NSMAF: variants seen among roughly 807,000 people sequenced by gnomAD.
NSMAF encodes the protein protein FAN.
A neutral mutation model predicts 134.9 loss-of-function variants in NSMAF; 90 were observed. The observed-to-expected ratio is 0.67, with a 90% CI of 0.56 to 0.79. NSMAF has a LOEUF of 0.79. Among genes scored for constraint, NSMAF ranks in the 30% least tolerant of loss-of-function variants. The probability of loss-of-function intolerance (pLI) is 0.00; values close to 1 mark genes in which losing one functional copy is unlikely to be tolerated. For synonymous variants in NSMAF, 358 were observed against 389.6 expected, an observed-to-expected ratio of 0.92 and a Z score of 0.96; for missense variants, 1,010 against 1,119.0, an observed-to-expected ratio of 0.90 and a Z score of 1.39.
chr8:58,643,238 G>C (rs1807374610), intron 1 of NSMAF, among the ~76,000 whole-genome samples, 165 bp from the exon 2 acceptor site: 1 of 152,196 alleles, frequency 6.6e-6, no homozygotes, highest in Non-Finnish European at 1.5e-5. Context: ...CCAGTGGCGG[G>C]AAGTACATAG....
chr8:58,605,975 C>T lies in NSMAF; in HGVS notation c.820G>A (p.Glu274Lys), dbSNP rs369530702. The part of the protein sequence containing the change: ...LCSDIYLKFY[E>K]PQDRDDLYFY... ...TAGAGATCATCTCTATCTTGAGGTT[C>T]ATAGAACTTTAGGTAGATGTCGGAA... Residue 274 changes from glutamate to lysine, a missense_variant, in exon 12 of 31, where the codon GAA (glutamate) becomes AAA (lysine). Transcript: ENST00000038176. 3.4e-5 allele frequency: 55 copies of T among 1,600,064 alleles called. No homozygotes were observed. Among genetic ancestry groups the T allele is most frequent in the East Asian group, 2.5e-4 (11 of 43,932 alleles).
At chr8:58,598,799 G>A (rs1806202404) in intron 19 of NSMAF, among the ~76,000 whole-genome samples, 1 of 152,108 alleles carries the variant, frequency 6.6e-6, no homozygotes, top group African/African-American at 2.4e-5. Flanking sequence ...GAGGTGGGCA[G>A]ATCACCTGAG....
Position 58,635,328 on chromosome 8 carries a change from A to T in NSMAF, c.273T>A (p.Asn91Lys), listed in dbSNP as rs202127431. 1.2e-5 allele frequency: 20 copies of T among 1,609,946 alleles called. No individual in the cohort carries two copies. The highest frequency in any genetic ancestry group is 1.7e-5 in the Non-Finnish European group (20 of 1,178,622). Residue 91 changes from asparagine (N) to lysine (K), a missense_variant, in exon 4 of 31, where the codon AAT becomes AAA. Physicochemically the swap from Asn to Lys is moderately conservative, Grantham distance 94 (BLOSUM62 0). Transcript: ENST00000038176. ...ACTTTGTGAAGTGTCTATTGGCTCC[A>T]TTTTCTCCATGCTTTCCTATTTTTA... ...DCIKIGKHGE[N>K]GANRHFTKAK...
rs573956126 is a variant in NSMAF, at chr8:58,590,838, C to G, written c.2019+29G>C. On this transcript the variant is annotated intron_variant, in intron 24 of 30. Transcript: ENST00000038176. Reference sequence around the variant, plus strand: ...ATAAAACAAACTACTACACGGATTTCTATCATAATACTATTAAAATGAACT... The same window carrying G: ...ATAAAACAAACTACTACACGGATTTGTATCATAATACTATTAAAATGAACT... 7 of 1,536,802 alleles carry G rather than the reference C, an allele frequency of 4.6e-6. No individual in the cohort carries two copies. In the South Asian group the frequency reaches 7.9e-5, roughly 17 times the overall value.
chr8:58,641,317 A>G (rs1807330525), intron 2 of NSMAF, among the ~76,000 whole-genome samples: 1 of 152,204 alleles, frequency 6.6e-6, no homozygotes, highest in South Asian at 2.1e-4. Flanking sequence ...AAATCTATAA[A>G]ATGTTTATAT....
At chr8:58,643,231 G>A (rs1585761786) in intron 1 of NSMAF, among the ~76,000 whole-genome samples, 158 bp from the exon 2 acceptor site, 1 of 152,314 alleles carries the variant, frequency 6.6e-6, no homozygotes, top group East Asian at 1.9e-4. Flanking sequence ...TCTCTACCCA[G>A]TGGCGGGAAG....
chr8:58,656,646 C>G (rs1325953355), intron 1 of NSMAF, among the ~76,000 whole-genome samples: 2 of 151,822 alleles, frequency 1.3e-5, no homozygotes, highest in African/African-American at 2.4e-5. Context: ...CTGGCTAACA[C>G]GGTGAAACCC....
intron 13 of NSMAF, among the ~76,000 whole-genome samples, chr8:58,602,492 G>A (rs558933671): frequency 3.9e-5 from 6 of 152,026 alleles, no homozygotes; most frequent in East Asian, 1.9e-4. Context: ...TTCTACATTC[G>A]AATTCTAGTG....
At chr8:58,597,269 G>T in intron 21 of NSMAF, 118 bp downstream of exon 21, 1 of 899,742 alleles carries the variant, frequency 1.1e-6, no homozygotes, top group Non-Finnish European at 1.7e-6. Context: ...AATAAGGCAG[G>T]AGAACACAAT....
In NSMAF at chr8:58,609,673, C is replaced by T. The variant is rs749096923; in HGVS notation, c.618G>A (p.Leu206=). ...TGCACACGTGTCCAGGATTAGTCAC[C>T]AGAGGCGTCACCATTTCTGCTTTGC... ...MECKAEMVTP[L]VTNPGHVCIT... The change falls in exon 10 of 31, where the codon CTG becomes CTA. Residue 206 remains leucine (L), a synonymous_variant. Coordinates refer to ENST00000038176, the MANE Select transcript of NSMAF (RefSeq NM_003580.4). 21 of 1,614,030 alleles carry T rather than the reference C, an allele frequency of 1.3e-5. No individual in the cohort carries two copies. In the East Asian group the frequency reaches 4.5e-4, roughly 34 times the overall value.
At chr8:58,626,280 A>T (rs2129144852) in intron 6 of NSMAF, among the ~76,000 whole-genome samples, 1 of 131,174 alleles carries the variant, frequency 7.6e-6, no homozygotes, top group East Asian at 2.2e-4. Context: ...TATTTTTAGT[A>T]GAGACAGGTT....
At chr8:58,621,450 T>C (rs1386215931) in intron 9 of NSMAF, among the ~76,000 whole-genome samples, 1 of 152,172 alleles carries the variant, frequency 6.6e-6, no homozygotes, top group Non-Finnish European at 1.5e-5. Flanking sequence ...GTAGAACAAT[T>C]TATTTTCCAT....
chr8:58,648,298 T>C (rs531661707), intron 1 of NSMAF, among the ~76,000 whole-genome samples: 48 of 152,208 alleles, frequency 3.2e-4, no homozygotes, highest in Admixed American at 3.1e-3. Flanking sequence ...AACAATCAGA[T>C]ACAGGAACAA....
At chr8:58,639,810 C>T (rs144140694) in intron 2 of NSMAF, among the ~76,000 whole-genome samples, 1 of 152,104 alleles carries the variant, frequency 6.6e-6, no homozygotes, top group East Asian at 1.9e-4. Flanking sequence ...TATTATTCAG[C>T]CTCAAAAAAG....
At chr8:58,620,544 A>G (rs1255565746) in intron 9 of NSMAF, among the ~76,000 whole-genome samples, 4 of 152,092 alleles carry the variant, frequency 2.6e-5, no homozygotes, top group Non-Finnish European at 5.9e-5. Context: ...ATGGCCTTTT[A>G]TTGTATCACT....
chr8:58,596,364 A>T (rs1806134557), intron 21 of NSMAF, among the ~76,000 whole-genome samples: 1 of 152,192 alleles, frequency 6.6e-6, no homozygotes, highest in South Asian at 2.1e-4. Context: ...AGGATAGGAG[A>T]TAAAAAGTGA....
chr8:58,586,260 G>A, intron 28 of NSMAF, 198 bp downstream of exon 28: 1 of 627,762 alleles, frequency 1.6e-6, no homozygotes, highest in South Asian at 2.0e-5. Context: ...ACCCAGTCCG[G>A]CTTTTCTACC....
At chr8:58,659,103 C>G in intron 1 of NSMAF, 2 of 1,159,464 alleles carry the variant, frequency 1.7e-6, no homozygotes, top group Non-Finnish European at 2.3e-6. Flanking sequence ...CGGTGCCGCC[C>G]GGCGACCAAC....
intron 2 of NSMAF, among the ~76,000 whole-genome samples, chr8:58,642,595 A>G (rs747755446): frequency 6.6e-6 from 1 of 152,216 alleles, no homozygotes. Flanking sequence ...TAACTACAAG[A>G]GGGATGCAAC....
Sources: allele counts gnomAD v4.1 joint callset (sites outside exome capture counted in the v4.1 genomes callset), GRCh38; gene constraint gnomAD v4.1.1; transcripts MANE v1.5; gene names NCBI Gene and HGNC (gene_info 2026-07-23, HGNC 2026-07-21).